SH3BGRL2: variants seen among roughly 807,000 people sequenced by gnomAD.
SH3BGRL2 encodes SH3 domain binding glutamate rich protein like 2.
SH3BGRL2 carries 21 observed loss-of-function variants against 14.8 expected under a neutral mutation model. That is an observed-to-expected ratio of 1.42 (90% CI 1.01 to 2.05). The LOEUF (loss-of-function observed/expected upper bound fraction) is 2.05, where lower values mean the gene tolerates loss of function less well. SH3BGRL2 is among the 30% of genes most tolerant of loss of function. SH3BGRL2 has a pLI of 0.00. For synonymous variants in SH3BGRL2, 50 were observed against 47.8 expected (o/e 1.05, Z -0.19); for missense variants, 147 against 130.8 (o/e 1.12, Z -0.61).
intron 1 of SH3BGRL2, among the ~76,000 whole-genome samples, chr6:79,647,298 G>GT (rs560125250): frequency 8.7e-5 from 13 of 149,502 alleles, no homozygotes; most frequent in Middle Eastern, 6.9e-3. Context: ...TAATAATGTT[G>GT]TTTTTTTTTA....
At chr6:79,685,045 T>C (rs1296038118) in intron 2 of SH3BGRL2, among the ~76,000 whole-genome samples, 2 of 152,242 alleles carry the variant, frequency 1.3e-5, no homozygotes, top group Admixed American at 6.5e-5. Context: ...TGCTGTTTTA[T>C]CTTTTCAGTA....
At chr6:79,649,985 TCACACACACACA>T (rs1554202291) in intron 1 of SH3BGRL2, among the ~76,000 whole-genome samples, 1 of 141,980 alleles carries the variant, frequency 7.0e-6, no homozygotes, top group Non-Finnish European at 1.5e-5. Flanking sequence ...TCTCTCTCTC[TCACACACACACA>T]CACACACACA....
the SH3BGRL2 span, among the ~76,000 whole-genome samples, chr6:79,546,759 C>G: frequency 2.0e-5 from 3 of 150,816 alleles, no homozygotes. Context: ...GTGCAATTAT[C>G]TCAGCTCACT....
chr6:79,583,329 A>T, the SH3BGRL2 span, among the ~76,000 whole-genome samples: 13 of 152,228 alleles, frequency 8.5e-5, no homozygotes, highest in African/African-American at 3.1e-4. Flanking sequence ...AGACACATGC[A>T]CAAGTATGTT....
At chr6:79,669,644 C>T (rs927423622) in intron 1 of SH3BGRL2, among the ~76,000 whole-genome samples, 3 of 151,992 alleles carry the variant, frequency 2.0e-5, no homozygotes, top group African/African-American at 4.8e-5. Flanking sequence ...AGGGTTTCAC[C>T]ATGTTGATCA....
At chr6:79,551,618 C>T in the SH3BGRL2 span, among the ~76,000 whole-genome samples, 17 of 152,140 alleles carry the variant, frequency 1.1e-4, no homozygotes, top group Non-Finnish European at 1.8e-4. Flanking sequence ...GGGGTAGGAG[C>T]TTTATGCTAA....
At chr6:79,609,357 C>G in the SH3BGRL2 span, among the ~76,000 whole-genome samples, 1 of 152,122 alleles carries the variant, frequency 6.6e-6, no homozygotes, top group African/African-American at 2.4e-5. Context: ...ATGAGTTTGA[C>G]TGGAAAAGGA....
intron 2 of SH3BGRL2, among the ~76,000 whole-genome samples, chr6:79,681,874 C>T (rs1769994288): frequency 6.6e-6 from 1 of 152,010 alleles, no homozygotes; most frequent in Non-Finnish European, 1.5e-5. Context: ...ATCGCTTGAT[C>T]CCAGGAGGCA....
chr6:79,621,590 A>T, the SH3BGRL2 span, among the ~76,000 whole-genome samples: 1 of 152,214 alleles, frequency 6.6e-6, no homozygotes, highest in African/African-American at 2.4e-5. Context: ...ACCAAAACAG[A>T]TGTTAAGTAA....
intron 1 of SH3BGRL2, among the ~76,000 whole-genome samples, chr6:79,646,919 G>A (rs555262637): frequency 6.6e-6 from 1 of 152,312 alleles, no homozygotes; most frequent in East Asian, 1.9e-4. Flanking sequence ...ATGTACCAGA[G>A]TTTGTTTATC....
chr6:79,590,461 A>ATATATATATATG, the SH3BGRL2 span, among the ~76,000 whole-genome samples: 1 of 135,822 alleles, frequency 7.4e-6, no homozygotes, highest in South Asian at 2.4e-4. Flanking sequence ...ATATATATAT[A>ATATATATATATG]TATGCGCCAT....
chr6:79,650,021 A>T (rs561658269), intron 1 of SH3BGRL2, among the ~76,000 whole-genome samples: 11 of 151,346 alleles, frequency 7.3e-5, no homozygotes, highest in African/African-American at 2.4e-4. Context: ...ACACACAGTT[A>T]CCCTAATTCT....
At chr6:79,615,901 C>T in the SH3BGRL2 span, among the ~76,000 whole-genome samples, 13 of 145,988 alleles carry the variant, frequency 8.9e-5, no homozygotes, top group Non-Finnish European at 8.9e-5. Flanking sequence ...GGTGCAATCT[C>T]CGCCTCCCAG....
intron 1 of SH3BGRL2, among the ~76,000 whole-genome samples, chr6:79,650,951 CAT>C (rs1455300523): frequency 6.7e-6 from 1 of 149,374 alleles, no homozygotes; most frequent in East Asian, 1.9e-4. Flanking sequence ...ATTATGTAAA[CAT>C]ATAATTATAT....
chr6:79,563,968 A>G, the SH3BGRL2 span, among the ~76,000 whole-genome samples: 1 of 152,338 alleles, frequency 6.6e-6, no homozygotes, highest in African/African-American at 2.4e-5. Flanking sequence ...AAGCTGTGCA[A>G]TCAGGCTATC....
the SH3BGRL2 span, among the ~76,000 whole-genome samples, chr6:79,551,730 A>C: frequency 6.6e-6 from 1 of 152,126 alleles, no homozygotes; most frequent in African/African-American, 2.4e-5. Context: ...GTAACATACC[A>C]CCCATGTTCA....
chr6:79,579,018 T>C, the SH3BGRL2 span, among the ~76,000 whole-genome samples: 17 of 152,254 alleles, frequency 1.1e-4, no homozygotes, highest in South Asian at 3.5e-3. Context: ...TAAGCTTCAA[T>C]AGCTGATTCG....
chr6:79,592,812 C>T, the SH3BGRL2 span, among the ~76,000 whole-genome samples: 1 of 152,232 alleles, frequency 6.6e-6, no homozygotes, highest in South Asian at 2.1e-4. Context: ...ATTATTATTT[C>T]CATTTTAGAT....
chr6:79,642,075 C>G (rs1014711353), intron 1 of SH3BGRL2, among the ~76,000 whole-genome samples: 2 of 152,162 alleles, frequency 1.3e-5, no homozygotes, highest in African/African-American at 4.8e-5. Flanking sequence ...CACATAGTCA[C>G]TATTCTTTGC....
Sources: gnomAD v4.1 joint callset for allele counts (sites outside exome capture counted in the v4.1 genomes callset) on GRCh38, gnomAD v4.1.1 for gene constraint, MANE v1.5 for transcripts, NCBI Gene and HGNC (gene_info 2026-07-23, HGNC 2026-07-21) for gene names.